The following NBEA variants were observed in gnomAD, a reference collection of about 807,000 sequenced individuals.
NBEA encodes lysosomal-trafficking regulator 2.
A neutral mutation model predicts 343.4 loss-of-function variants in NBEA; 44 were observed. The observed-to-expected ratio is 0.13, with a 90% CI of 0.10 to 0.16. The LOEUF is 0.16. NBEA is among the 10% of genes least tolerant of loss of function. The pLI is 1.00. For synonymous variants in NBEA, 1,175 were observed against 1,238.7 expected (o/e 0.95, Z 1.08); for missense variants, 2,555 against 3,631.3 (o/e 0.70, Z 7.62).
intron 30 of NBEA, among the ~76,000 whole-genome samples, chr13:35,195,430 C>T (rs987969836): frequency 6.6e-6 from 1 of 150,942 alleles, no homozygotes; most frequent in Admixed American, 6.6e-5. Context: ...TGGAGTTTTG[C>T]TCTTGTTGCC....
Position 35,171,328 on chromosome 13 carries a change from T to A in NBEA, c.4299T>A (p.Thr1433=), listed in dbSNP as rs755186399. 1.9e-6 allele frequency: 3 copies of A among 1,612,580 alleles called. No homozygotes were observed. Among genetic ancestry groups the A allele is most frequent in the Non-Finnish European group, 2.5e-6 (3 of 1,178,932 alleles). Residue 1433 remains threonine (T), a synonymous_variant, in exon 26 of 59, where the codon ACT becomes ACA. Coordinates refer to ENST00000379939, the MANE Select transcript of NBEA (RefSeq NM_001385012.1). The stretch of plus-strand genomic sequence containing the variant: ...GCATGTCAGCTGAGACAGCAGTAAC[T>A]TTCCTCAGCCGGCTGATGGCTATGG... ...TQGMSAETAV[T]FLSRLMAMVD...
intron 55 of NBEA, among the ~76,000 whole-genome samples, chr13:35,656,215 C>G (rs2153082313): frequency 6.6e-6 from 1 of 152,284 alleles, no homozygotes; most frequent in South Asian, 2.1e-4. Flanking sequence ...GTGAGTACCC[C>G]CTTCACATGA....
chr13:35,000,789 T>A (rs1316073009), intron 1 of NBEA, among the ~76,000 whole-genome samples: 1 of 150,988 alleles, frequency 6.6e-6, no homozygotes, highest in Non-Finnish European at 1.5e-5. Context: ...CACATATTAT[T>A]GTTTTTTTAA....
chr13:35,079,617 T>C (rs1168418486), intron 10 of NBEA, among the ~76,000 whole-genome samples: 1 of 152,168 alleles, frequency 6.6e-6, no homozygotes, highest in African/African-American at 2.4e-5. Context: ...GTAGATAGTA[T>C]ACTAATAAAA....
chr13:35,515,003 G>A (rs574584696), intron 41 of NBEA, among the ~76,000 whole-genome samples: 61 of 152,268 alleles, frequency 4.0e-4, no homozygotes, highest in Non-Finnish European at 7.6e-4. Flanking sequence ...GATTCCAAAC[G>A]CATCCTGAAG....
chr13:35,179,206 G>C (rs1258198774), intron 28 of NBEA, among the ~76,000 whole-genome samples: 1 of 151,558 alleles, frequency 6.6e-6, no homozygotes, highest in African/African-American at 2.4e-5. Context: ...TGTGGTCTCA[G>C]TGTTTCTGAG....
At chr13:35,174,796 ATTTT>A (rs1218459341) in intron 27 of NBEA, among the ~76,000 whole-genome samples, 1 of 143,510 alleles carries the variant, frequency 7.0e-6, no homozygotes, top group African/African-American at 2.6e-5. Context: ...CTTCAGAGTA[ATTTT>A]TTTTTTTTTT....
intron 17 of NBEA, among the ~76,000 whole-genome samples, chr13:35,135,103 A>G (rs1192379308): frequency 6.6e-6 from 1 of 152,034 alleles, no homozygotes; most frequent in African/African-American, 2.4e-5. Context: ...CTACAGGAGC[A>G]CAAAACATGC....
At chr13:35,593,246 T>G in intron 46 of NBEA, 82 bp from the exon 47 acceptor site, 1 of 1,490,882 alleles carries the variant, frequency 6.7e-7, no homozygotes, top group Non-Finnish European at 9.1e-7. Context: ...TTGAAGGATT[T>G]TCAAGATAGC....
chr13:35,134,209 G>A (rs2067590389), intron 17 of NBEA, among the ~76,000 whole-genome samples: 1 of 151,884 alleles, frequency 6.6e-6, no homozygotes, highest in Non-Finnish European at 1.5e-5. Context: ...TAGAATAATG[G>A]TAGAGATGAC....
chr13:35,278,053 C>T (rs1406422940), intron 34 of NBEA, among the ~76,000 whole-genome samples: 1 of 150,864 alleles, frequency 6.6e-6, no homozygotes, highest in African/African-American at 2.4e-5. Flanking sequence ...CACCACTGCA[C>T]TCCAGCCTGT....
intron 1 of NBEA, among the ~76,000 whole-genome samples, chr13:34,973,671 G>A (rs2060072306): frequency 1.3e-5 from 2 of 152,126 alleles, no homozygotes; most frequent in Admixed American, 6.5e-5. Flanking sequence ...CAGCAAAGAT[G>A]GTGGCCTCTA....
At chr13:35,435,164 C>A (rs2045353879) in intron 39 of NBEA, among the ~76,000 whole-genome samples, 1 of 152,082 alleles carries the variant, frequency 6.6e-6, no homozygotes, top group Non-Finnish European at 1.5e-5. Flanking sequence ...GCGCCTGCCA[C>A]CACACCCGGC....
At chr13:35,495,013 AAAAAG>A (rs757003291) in intron 41 of NBEA, among the ~76,000 whole-genome samples, 4 of 152,074 alleles carry the variant, frequency 2.6e-5, no homozygotes, top group East Asian at 1.9e-4. Context: ...TCTGTCAAAA[AAAAAG>A]AAAAGAAAAG....
At chr13:35,445,107 G>T (rs1343918916) in intron 39 of NBEA, among the ~76,000 whole-genome samples, 1 of 152,096 alleles carries the variant, frequency 6.6e-6, no homozygotes, top group African/African-American at 2.4e-5. Context: ...ACTATCACTT[G>T]TTGAATACCT....
At chr13:34,977,178 G>C (rs988792378) in intron 1 of NBEA, among the ~76,000 whole-genome samples, 7 of 152,024 alleles carry the variant, frequency 4.6e-5, no homozygotes, top group Non-Finnish European at 1.0e-4. Flanking sequence ...AACCTCAGGT[G>C]ATCCGCCTGC....
intron 10 of NBEA, among the ~76,000 whole-genome samples, chr13:35,087,698 C>T (rs1036038372): frequency 6.6e-6 from 1 of 151,708 alleles, no homozygotes. Flanking sequence ...CAAAAGTAGA[C>T]ATTTATGAAA....
At chr13:35,641,156 C>T (rs1349351364) in intron 49 of NBEA, among the ~76,000 whole-genome samples, 1 of 151,888 alleles carries the variant, frequency 6.6e-6, no homozygotes, top group Non-Finnish European at 1.5e-5. Flanking sequence ...GTTATCAGTA[C>T]CCTAAAAGAT....
intron 38 of NBEA, among the ~76,000 whole-genome samples, chr13:35,423,076 A>G (rs1371686736): frequency 2.6e-5 from 4 of 152,114 alleles, no homozygotes; most frequent in Admixed American, 6.6e-5. Flanking sequence ...AGGTTGCAAA[A>G]ATTTTCTCCC....
Sources: allele counts gnomAD v4.1 joint callset (sites outside exome capture counted in the v4.1 genomes callset), GRCh38; gene constraint gnomAD v4.1.1; transcripts MANE v1.5; gene names NCBI Gene and HGNC (gene_info 2026-07-23, HGNC 2026-07-21).